Variants in CEP295 observed in about 807,000 individuals in gnomAD.
CEP295 encodes the protein centrosomal protein 295, also known as centrosomal protein of 295 kDa.
A neutral mutation model predicts 291.6 loss-of-function variants in CEP295; 190 were observed. That is an observed-to-expected ratio of 0.65 (90% CI 0.58 to 0.73). CEP295 has a LOEUF of 0.73. Ranked by LOEUF, CEP295 falls within the 30% of genes least tolerant of loss-of-function variation. The pLI, the probability that CEP295 is intolerant of heterozygous loss-of-function variation, is 0.00. For synonymous variants in CEP295, 993 were observed against 1,038.8 expected (o/e 0.96, Z 0.85); for missense variants, 2,863 against 2,949.4 (o/e 0.97, Z 0.68).
chr11:93,724,578 C>T (rs772300695), intron 22 of CEP295, among the ~76,000 whole-genome samples: 1 of 152,084 alleles, frequency 6.6e-6, no homozygotes, highest in Non-Finnish European at 1.5e-5. Flanking sequence ...ACCAGCCTGG[C>T]CAACATGGCA....
Position 93,729,596 on chromosome 11 carries a change from TTTC to T in CEP295, c.7400-15_7400-13del. The stretch of plus-strand genomic sequence containing the variant: ...ATACTTTGCCTATTTCTGTCATAAA[TTTC>T]TTTTCCCCCAGCAGAAACCCCTCGC... On this transcript the variant is annotated splice_polypyrimidine_tract_variant and intron_variant, in intron 26 of 29. Transcript: ENST00000325212. The T allele has an allele frequency of 6.5e-7, 1 of 1,550,100 alleles. No homozygotes were observed. The highest frequency in any genetic ancestry group is 8.7e-7 in the Non-Finnish European group (1 of 1,146,260).
At position 93,699,751 on chromosome 11, in the gene CEP295, G is replaced by A; in HGVS notation, c.4839G>A (p.Val1613=). 1 of 1,551,974 alleles carries A rather than the reference G, an allele frequency of 6.4e-7. No homozygotes were observed. The highest frequency in any genetic ancestry group is 1.2e-5 in the South Asian group (1 of 84,056). The part of the protein sequence containing the change: ...MTAQLDAQRE[V]MYSYEKPQEE... ...CACAATTGGATGCACAAAGGGAAGT[G>A]ATGTATTCTTATGAGAAACCCCAGG... Residue 1613 remains valine, a synonymous_variant, in exon 15 of 30, where the codon GTG becomes GTA. Transcript: ENST00000325212.
At chr11:93,673,617 C>G (rs1327519003) in intron 5 of CEP295, among the ~76,000 whole-genome samples, 1 of 152,032 alleles carries the variant, frequency 6.6e-6, no homozygotes, top group African/African-American at 2.4e-5. Context: ...CCTCAGCCTC[C>G]CAAGTAGCTG....
intron 18 of CEP295, among the ~76,000 whole-genome samples, chr11:93,716,366 G>A (rs909178438): frequency 9.2e-5 from 14 of 152,192 alleles, no homozygotes; most frequent in African/African-American, 3.1e-4. Context: ...TGAGGGAAGG[G>A]TGGTGTTGGC....
intron 18 of CEP295, among the ~76,000 whole-genome samples, chr11:93,720,489 A>AAAAGG (rs34039567): frequency 1.6e-5 from 2 of 121,322 alleles, no homozygotes; most frequent in Non-Finnish European, 3.3e-5. Context: ...AAAAAAAAAA[A>AAAAGG]ACTGTCTCTA....
chr11:93,730,072 TGAAACAACAAAAGGAA>T lies in CEP295; in HGVS notation c.7696_7711del (p.Gln2566LysfsTer22). 1 of 1,549,706 alleles carries T rather than the reference TGAAACAACAAAAGGAA, an allele frequency of 6.5e-7. No homozygotes were observed. The highest frequency in any genetic ancestry group is 8.7e-7 in the Non-Finnish European group (1 of 1,146,526). ...AGGTTATACAATCAACTAGCTGAAGTGAAACAACAAAAGGAAGAAAAAACAAAACAAGAAGCTTATG... is the reference window on the plus strand; with the variant it reads ...AGGTTATACAATCAACTAGCTGAAGTGAAAAAACAAAACAAGAAGCTTATG... On this transcript the variant is annotated frameshift_variant, in exon 29 of 30. Coordinates refer to ENST00000325212, the MANE Select transcript of CEP295 (RefSeq NM_033395.2). LOFTEE classifies it high-confidence loss of function.
At chr11:93,714,195 A>G (rs1409219846) in intron 18 of CEP295, among the ~76,000 whole-genome samples, 1 of 152,016 alleles carries the variant, frequency 6.6e-6, no homozygotes, top group African/African-American at 2.4e-5. Flanking sequence ...GTTTTCCTGT[A>G]TGGTCTTGAT....
intron 25 of CEP295, 129 bp downstream of exon 25, chr11:93,728,950 C>G (rs1937859179): frequency 2.7e-6 from 2 of 731,186 alleles, no homozygotes; most frequent in African/African-American, 3.6e-5. Flanking sequence ...ACACCCCCAC[C>G]AGCTCTCAAT....
chr11:93,670,751 A>T (rs1387278287), intron 5 of CEP295, among the ~76,000 whole-genome samples: 2 of 152,220 alleles, frequency 1.3e-5, no homozygotes, highest in African/African-American at 4.8e-5. Context: ...TGTATTATCC[A>T]TGATGCCTTT....
chr11:93,668,390 C>A (rs1447440319), intron 3 of CEP295, among the ~76,000 whole-genome samples: 1 of 152,058 alleles, frequency 6.6e-6, no homozygotes, highest in South Asian at 2.1e-4. Flanking sequence ...TTAGTAATAG[C>A]CGTAAGTTCT....
At position 93,728,711 on chromosome 11, in the gene CEP295, G is replaced by A. The variant is rs1937786872; in HGVS notation, c.7192G>A (p.Glu2398Lys). ...AGAAACTGGCCATGGTATAATGGAAGAACCAGAACTTACTTTAATAAGCAC... is the reference window on the plus strand; with the variant it reads ...AGAAACTGGCCATGGTATAATGGAAAAACCAGAACTTACTTTAATAAGCAC... ...ETETGHGIMEEPELTLISTTD... is the reference protein window; with the variant it reads ...ETETGHGIMEKPELTLISTTD... The change falls in exon 25 of 30, where the codon GAA becomes AAA. Residue 2398 changes from glutamate (E) to lysine (K), a missense_variant. This residue lies in a region of CEP295 where 2,295 missense variants were observed against 2,335.7 expected (regional missense o/e 0.98). Transcript: ENST00000325212. 3 of 1,547,170 alleles carry A rather than the reference G, an allele frequency of 1.9e-6. No individual in the cohort carries two copies. Among genetic ancestry groups the A allele is most frequent in the African/African-American group, 1.4e-5 (1 of 72,908 alleles).
chr11:93,696,769 T>C lies in CEP295; in HGVS notation c.1857T>C (p.Ala619=). The change falls in exon 15 of 30, where the codon GCT becomes GCC. Residue 619 remains alanine, a synonymous_variant. Coordinates refer to ENST00000325212, the MANE Select transcript of CEP295 (RefSeq NM_033395.2). ...MLKGRCPSVS[A]PSLITDSVIS... is the part of the protein sequence containing the mutation. ...AAGGAAGGTGCCCATCGGTGTCAGC[T>C]CCATCATTGATAACTGATTCTGTTA... is the stretch of plus-strand genomic sequence containing the variant. 6.4e-7 allele frequency: 1 copy of C among 1,551,584 alleles called. No individual in the cohort carries two copies.
chr11:93,676,650 T>C (rs1017069547), intron 6 of CEP295, among the ~76,000 whole-genome samples: 1 of 152,026 alleles, frequency 6.6e-6, no homozygotes, highest in Non-Finnish European at 1.5e-5. Flanking sequence ...TTCGATATTA[T>C]GATGTAGGAA....
intron 12 of CEP295, among the ~76,000 whole-genome samples, chr11:93,693,614 G>C (rs1257799693): frequency 1.3e-5 from 2 of 152,112 alleles, no homozygotes; most frequent in Admixed American, 6.5e-5. Flanking sequence ...AAAGTATCTG[G>C]GCGTGGTGGT....
At chr11:93,677,926 A>G (rs1245257108) in intron 6 of CEP295, among the ~76,000 whole-genome samples, 2 of 152,340 alleles carry the variant, frequency 1.3e-5, no homozygotes, top group Middle Eastern at 3.4e-3. Flanking sequence ...AATTGCATTG[A>G]CACAAATCTA....
rs1298244055 is a variant in CEP295 at position 93,697,661 on chromosome 11, A to G, written c.2749A>G (p.Lys917Glu). Residue 917 changes from lysine (K) to glutamate (E), a missense_variant, in exon 15 of 30, where the codon AAG becomes GAG. By Grantham distance (56) the Lys-to-Glu change is moderately conservative (BLOSUM62 1). This residue lies in a region of CEP295 where 2,295 missense variants were observed against 2,335.7 expected (regional missense o/e 0.98). Coordinates refer to ENST00000325212, the MANE Select transcript of CEP295 (RefSeq NM_033395.2). Reference sequence around the variant, plus strand: ...GAGAATCCAGGAATCTTCACCAACCAAGAATAATATTGCAGTTTCCTCAGA... The same window carrying G: ...GAGAATCCAGGAATCTTCACCAACCGAGAATAATATTGCAGTTTCCTCAGA... The part of the protein sequence containing the change: ...LGRIQESSPT[K>E]NNIAVSSDHH... 1 of 1,551,884 alleles carries G rather than the reference A, an allele frequency of 6.4e-7. No individual in the cohort carries two copies. The highest frequency in any genetic ancestry group is 2.4e-5 in the East Asian group (1 of 40,918).
Position 93,729,771 on chromosome 11 carries a change from AC to A in CEP295, c.7559del (p.Pro2520HisfsTer3). ...NSQIKTVKEKPSISSSVSRLK... is the reference protein window; with the variant it reads ...NSQIKTVKEKXSISSSVSRLK... ...CTCAAATCAAAACAGTTAAAGAGAA[AC>A]CATCTATAAGTATGTTGAATTTTTA... On this transcript the variant is annotated frameshift_variant, in exon 27 of 30. Coordinates refer to ENST00000325212, the MANE Select transcript of CEP295 (RefSeq NM_033395.2). LOFTEE classifies it high-confidence loss of function. 6.5e-7 allele frequency: 1 copy of A among 1,545,522 alleles called. No homozygotes were observed. The highest frequency in any genetic ancestry group is 1.2e-5 in the South Asian group (1 of 83,224).
Position 93,729,516 on chromosome 11 carries a change from G to A in CEP295, c.7385G>A (p.Arg2462Lys). ...AVSELSIEKP[R>K]TASTETPRRL... ...TCAGAACTTTCCATAGAAAAACCAAGGACAGCATCTACAGGTAAGCCTTGG... is the reference window on the plus strand; with the variant it reads ...TCAGAACTTTCCATAGAAAAACCAAAGACAGCATCTACAGGTAAGCCTTGG... The change falls in exon 26 of 30, where the codon AGG becomes AAG. Residue 2462 changes from arginine to lysine, a missense_variant. Arg to Lys is a conservative substitution (Grantham distance 26). Around this residue, in one of 3 missense-constraint regions of CEP295, gnomAD observed 2,295 missense variants for 2,335.7 expected, o/e 0.98. Transcript: ENST00000325212. The A allele has an allele frequency of 6.4e-7, 1 of 1,551,686 alleles. No individual in the cohort carries two copies. The highest frequency in any genetic ancestry group is 8.7e-7 in the Non-Finnish European group (1 of 1,146,860).
At chr11:93,728,971 C>A in intron 25 of CEP295, 150 bp downstream of exon 25, 1 of 644,836 alleles carries the variant, frequency 1.6e-6, no homozygotes. Flanking sequence ...TTGTCTTAAA[C>A]CTTCACTATT....
Sources: allele counts gnomAD v4.1 joint callset (sites outside exome capture counted in the v4.1 genomes callset), GRCh38; gene constraint gnomAD v4.1.1; regional missense constraint gnomAD v4.1.1; transcripts MANE v1.5; gene names NCBI Gene and HGNC (gene_info 2026-07-23, HGNC 2026-07-21).